The following LAMA3 variants were observed in gnomAD, a reference collection of about 807,000 sequenced individuals.
LAMA3 encodes the protein laminin subunit alpha-3.
Under a neutral mutation model 402.0 loss-of-function variants are expected in LAMA3, and 281 were observed. That is an observed-to-expected ratio of 0.70 (90% CI 0.63 to 0.77). LAMA3 has a LOEUF of 0.77. Ranked by LOEUF, LAMA3 falls within the 30% of genes least tolerant of loss-of-function variation. The pLI, the probability that LAMA3 is intolerant of heterozygous loss-of-function variation, is 0.00. For missense variants in LAMA3, 3,840 were observed against 4,215.5 expected (o/e 0.91, Z 2.47); for synonymous variants, 1,431 against 1,558.4 (o/e 0.92, Z 1.93).
intron 60 of LAMA3, among the ~76,000 whole-genome samples, chr18:23,919,574 G>C (rs183935995): frequency 2.0e-5 from 3 of 152,212 alleles, no homozygotes; most frequent in Non-Finnish European, 4.4e-5. Flanking sequence ...AAAGACACTT[G>C]AGCAAAGGAA....
chr18:23,851,427 C>T (rs1675672387), intron 32 of LAMA3, among the ~76,000 whole-genome samples: 1 of 152,202 alleles, frequency 6.6e-6, no homozygotes, highest in African/African-American at 2.4e-5. Context: ...CTGCCGCTCA[C>T]TCTCTGGGTG....
intron 2 of LAMA3, among the ~76,000 whole-genome samples, chr18:23,724,104 C>T (rs1424341220): frequency 6.6e-6 from 1 of 152,136 alleles, no homozygotes; most frequent in African/African-American, 2.4e-5. Context: ...TAGCTTAGCT[C>T]TCACATATGA....
At chr18:23,762,734 G>A (rs939008137) in intron 7 of LAMA3, among the ~76,000 whole-genome samples, 2 of 151,874 alleles carry the variant, frequency 1.3e-5, no homozygotes, top group African/African-American at 4.8e-5. Flanking sequence ...GGCGGTGGCA[G>A]GGAGAATGGA....
intron 20 of LAMA3, among the ~76,000 whole-genome samples, chr18:23,823,681 A>T (rs1194647343): frequency 1.3e-5 from 2 of 152,204 alleles, no homozygotes. Context: ...CCATCAATGT[A>T]TGTAGAACAA....
chr18:23,947,302 C>T (rs191516221), intron 70 of LAMA3, among the ~76,000 whole-genome samples: 1 of 152,150 alleles, frequency 6.6e-6, no homozygotes. Context: ...CCTTTCCCCC[C>T]ACCCCACAAA....
At chr18:23,799,719 G>A (rs2062833280) in intron 12 of LAMA3, among the ~76,000 whole-genome samples, 1 of 152,008 alleles carries the variant, frequency 6.6e-6, no homozygotes, top group Admixed American at 6.5e-5. Flanking sequence ...GAACCAATCG[G>A]AGGTGTGTGT....
chr18:23,824,685 A>G (rs952089073), intron 21 of LAMA3, 120 bp downstream of exon 21: 31 of 1,165,858 alleles, frequency 2.7e-5, no homozygotes, highest in Non-Finnish European at 3.9e-5. Flanking sequence ...GGTTTTAGAC[A>G]CAGGAACAAT....
intron 1 of LAMA3, among the ~76,000 whole-genome samples, chr18:23,700,776 C>T (rs933583282): frequency 1.3e-5 from 2 of 152,156 alleles, no homozygotes; most frequent in Non-Finnish European, 2.9e-5. Context: ...CAGCTCACTG[C>T]AGCCTCTACC....
chr18:23,853,560 C>G (rs2063994758), intron 32 of LAMA3, among the ~76,000 whole-genome samples: 1 of 152,220 alleles, frequency 6.6e-6, no homozygotes, highest in Non-Finnish European at 1.5e-5. Flanking sequence ...GCATGAGCCA[C>G]TGCACCCGGC....
chr18:23,733,217 A>G (rs138479783), intron 2 of LAMA3, among the ~76,000 whole-genome samples: 1 of 152,282 alleles, frequency 6.6e-6, no homozygotes, highest in African/African-American at 2.4e-5. Flanking sequence ...AAGTGTAACT[A>G]CCATGGAGGG....
In LAMA3 at chr18:23,902,988, ATTT is replaced by A. The variant is rs745874853; in HGVS notation, c.6202-14_6202-12del. 7.0e-7 allele frequency: 1 copy of A among 1,422,472 alleles called. No individual in the cohort carries two copies. The highest frequency in any genetic ancestry group is 1.4e-5 in the African/African-American group (1 of 71,024). The allele number at this position is 1,422,472 out of a possible 1,614,324, so 88.1% of individuals were successfully genotyped here. A position where few individuals can be genotyped will look rare whatever the true frequency, so the allele number is the denominator to read the frequency against. Reference sequence around the variant, plus strand: ...GATAATATATCATAGAGCTCAAGCAATTTTTTTTTATTTTCTCCAGAGACAAGT... The same window carrying A: ...GATAATATATCATAGAGCTCAAGCAATTTTTTATTTTCTCCAGAGACAAGT... On this transcript the variant is annotated intron_variant, in intron 48 of 74. Transcript: ENST00000313654.
chr18:23,864,199 C>A (rs1455624014), intron 35 of LAMA3, among the ~76,000 whole-genome samples: 2 of 150,202 alleles, frequency 1.3e-5, no homozygotes, highest in Non-Finnish European at 3.0e-5. Flanking sequence ...TATTATTTTT[C>A]TTACTTTCTT....
intron 67 of LAMA3, among the ~76,000 whole-genome samples, chr18:23,934,946 TAAG>T (rs2082269771): frequency 1.3e-5 from 2 of 152,210 alleles, no homozygotes. Flanking sequence ...TTTATGCTAT[TAAG>T]AAGAAATATA....
chr18:23,842,142 C>G (rs896260464), intron 27 of LAMA3, among the ~76,000 whole-genome samples: 1 of 152,074 alleles, frequency 6.6e-6, no homozygotes, highest in South Asian at 2.1e-4. Flanking sequence ...ATGATTGTAC[C>G]ACAGTTTGTT....
rs964067647 is a variant in LAMA3 at position 23,846,449 on chromosome 18, T to C, written c.3872T>C (p.Val1291Ala). The C allele has an allele frequency of 2.5e-6, 4 of 1,613,508 alleles. No homozygotes were observed. In the African/African-American group the frequency reaches 5.3e-5, roughly 22 times the overall value. Residue 1291 changes from valine (V) to alanine (A), a missense_variant, in exon 31 of 75, where the codon GTC becomes GCC. This residue lies in a region of LAMA3 where 2,109 missense variants were observed against 2,376.0 expected (regional missense o/e 0.89). Coordinates refer to ENST00000313654, the MANE Select transcript of LAMA3 (RefSeq NM_198129.4). The stretch of plus-strand genomic sequence containing the variant: ...GGGCAGTGCCCATGCCAGCCCAACG[T>C]CATCGGGCGGCAGTGCACCCGCTGT... ...EGGQCPCQPN[V>A]IGRQCTRCAT... is the part of the protein sequence containing the mutation.
In LAMA3 at chr18:23,949,793, G is replaced by A. The variant is rs2082839436; in HGVS notation, c.9380G>A (p.Cys3127Tyr). Reference protein sequence around the residue: ...KSLPTNSFVGCLKNFQLDSKP... With the variant: ...KSLPTNSFVGYLKNFQLDSKP... ...CTCCCCACAAACAGCTTTGTGGGAT[G>A]CCTGAAGAACTTTCAGCTGGATTCA... is the stretch of plus-strand genomic sequence containing the variant. Residue 3127 changes from cysteine to tyrosine, a missense_variant, in exon 71 of 75, where the codon TGC becomes TAC. Transcript: ENST00000313654. 1.2e-6 allele frequency: 2 copies of A among 1,613,934 alleles called. No individual in the cohort carries two copies. Among genetic ancestry groups the A allele is most frequent in the Admixed American group, 3.3e-5 (2 of 59,996 alleles).
intron 6 of LAMA3, among the ~76,000 whole-genome samples, chr18:23,754,682 A>G (rs528776435): frequency 2.6e-5 from 4 of 152,192 alleles, no homozygotes; most frequent in Non-Finnish European, 4.4e-5. Context: ...TATATTTTGC[A>G]TACAATAATA....
At chr18:23,800,471 T>C (rs2062847166) in intron 12 of LAMA3, among the ~76,000 whole-genome samples, 1 of 152,308 alleles carries the variant, frequency 6.6e-6, no homozygotes, top group South Asian at 2.1e-4. Flanking sequence ...ATGGATACAG[T>C]GTGTAATGAT....
intron 11 of LAMA3, among the ~76,000 whole-genome samples, chr18:23,781,933 G>A (rs1020537236): frequency 2.6e-5 from 4 of 152,124 alleles, no homozygotes; most frequent in African/African-American, 9.7e-5. Flanking sequence ...GCAACTGTTT[G>A]GTTGAAGTAT....
Sources: allele counts gnomAD v4.1 joint callset (sites outside exome capture counted in the v4.1 genomes callset), GRCh38; gene constraint gnomAD v4.1.1; regional missense constraint gnomAD v4.1.1; transcripts MANE v1.5; gene names NCBI Gene and HGNC (gene_info 2026-07-23, HGNC 2026-07-21).